Variants in MYT1L observed in about 807,000 individuals in gnomAD.
The protein encoded by MYT1L is myelin transcription factor 1-like protein.
A neutral mutation model predicts 126.7 loss-of-function variants in MYT1L; 12 were observed. The ratio of observed to expected loss-of-function variants is 0.09; its 90% confidence interval spans 0.06 to 0.15. The LOEUF is 0.15. MYT1L is among the 10% of genes least tolerant of loss of function. MYT1L has a pLI of 1.00. For synonymous variants in MYT1L, 541 were observed against 604.2 expected (o/e 0.90, Z 1.53); for missense variants, 979 against 1,585.2 (o/e 0.62, Z 6.49).
chr2:1,956,974 C>A (rs2058535485), intron 8 of MYT1L, among the ~76,000 whole-genome samples: 1 of 152,230 alleles, frequency 6.6e-6, no homozygotes, highest in African/African-American at 2.4e-5. Flanking sequence ...CATCTGTCTG[C>A]AGCCCGTGGC....
At chr2:2,221,041 A>C (rs1020058754) in intron 2 of MYT1L, among the ~76,000 whole-genome samples, 1 of 152,226 alleles carries the variant, frequency 6.6e-6, no homozygotes, top group Non-Finnish European at 1.5e-5. Flanking sequence ...AACAATGGAA[A>C]AAACTTGTGC....
At position 1,790,278 on chromosome 2, in the gene MYT1L, G is replaced by A. The variant is rs757299989; in HGVS notation, c.*1589C>T. The A allele has an allele frequency of 1.3e-5, 2 of 151,710 alleles. No individual in the cohort carries two copies. Among genetic ancestry groups the A allele is most frequent in the African/African-American group, 4.8e-5 (2 of 41,276 alleles). The allele number at this position is 151,710 out of a possible 1,614,324, so 9.4% of individuals were successfully genotyped here. A position where few individuals can be genotyped will look rare whatever the true frequency, so the allele number is the denominator to read the frequency against. On this transcript the variant is annotated 3_prime_UTR_variant, in exon 25 of 25. Coordinates refer to ENST00000647738, the MANE Select transcript of MYT1L (RefSeq NM_001303052.2). ...ATTTCATAACAAAAATTTAAAGTAC[G>A]TCTGTACTTCCTGCATAACATCAAG... is the stretch of plus-strand genomic sequence containing the variant.
At chr2:1,839,748 A>G (rs549461036) in intron 20 of MYT1L, among the ~76,000 whole-genome samples, 1 of 152,348 alleles carries the variant, frequency 6.6e-6, no homozygotes, top group South Asian at 2.1e-4. Context: ...GAAAAAATGC[A>G]ACGTCAATAA....
intron 13 of MYT1L, among the ~76,000 whole-genome samples, chr2:1,904,984 G>C (rs1421067498): frequency 6.6e-6 from 1 of 151,724 alleles, no homozygotes; most frequent in African/African-American, 2.4e-5. Context: ...TTTTAGTAGA[G>C]ACGGGGTTTC....
intron 3 of MYT1L, among the ~76,000 whole-genome samples, chr2:2,123,017 A>C (rs971275048): frequency 1.3e-5 from 2 of 151,972 alleles, no homozygotes; most frequent in African/African-American, 4.8e-5. Context: ...AAACTGAGAG[A>C]AGCCAGGAGA....
At chr2:1,995,398 C>A (rs562719160) in intron 5 of MYT1L, among the ~76,000 whole-genome samples, 1 of 152,142 alleles carries the variant, frequency 6.6e-6, no homozygotes, top group Admixed American at 6.5e-5. Context: ...AGAAATGCAC[C>A]GCTAATATCA....
At chr2:2,040,454 G>A (rs533932484) in intron 4 of MYT1L, among the ~76,000 whole-genome samples, 1 of 152,142 alleles carries the variant, frequency 6.6e-6, no homozygotes. Flanking sequence ...TGAGGCTCTG[G>A]TGCAGGCGAC....
At chr2:2,090,042 C>T (rs1389578408) in intron 3 of MYT1L, among the ~76,000 whole-genome samples, 1 of 152,172 alleles carries the variant, frequency 6.6e-6, no homozygotes, top group Non-Finnish European at 1.5e-5. Flanking sequence ...CCCATCCCAT[C>T]CCTCTGCAGG....
chr2:2,184,694 G>A (rs529235210), intron 2 of MYT1L, among the ~76,000 whole-genome samples: 17 of 152,256 alleles, frequency 1.1e-4, no homozygotes, highest in Admixed American at 2.6e-4. Flanking sequence ...CAATGGGCTG[G>A]CGGCCTCTCC....
intron 24 of MYT1L, 54 bp downstream of exon 24, chr2:1,792,267 G>C (rs2032248069): frequency 1.3e-6 from 2 of 1,539,560 alleles, no homozygotes; most frequent in Non-Finnish European, 1.8e-6. Flanking sequence ...ATCTACTTTA[G>C]GCTGTGCGCT....
At position 2,004,912 on chromosome 2, in the gene MYT1L, G is replaced by A. The variant is rs548855452; in HGVS notation, c.-157-7565C>T. On this transcript the variant is annotated intron_variant, in intron 4 of 24. Coordinates refer to ENST00000647738, the MANE Select transcript of MYT1L (RefSeq NM_001303052.2). The stretch of plus-strand genomic sequence containing the variant: ...CCTGCATGTGTTCTTTCCTGCATGC[G>A]TTCTTTCCTGCAGGCATTCTTTCCT... Among the ~76,000 whole-genome samples, 534 of 135,938 alleles carry A rather than the reference G, an allele frequency of 3.9e-3. 8 individuals are homozygous for A. Among genetic ancestry groups the A allele is most frequent in the African/African-American group, 0.014 (498 of 35,864 alleles). 89.2% of individuals were successfully genotyped at this position (135,938 alleles called of 152,430 possible). A position where few individuals can be genotyped will look rare whatever the true frequency, so the allele number is the denominator to read the frequency against.
chr2:2,295,645 GAT>G (rs112459105), intron 1 of MYT1L, among the ~76,000 whole-genome samples: 40 of 62,686 alleles, frequency 6.4e-4, no homozygotes, highest in South Asian at 2.1e-3. Flanking sequence ...CAGAGAGAGA[GAT>G]AGAGAGACAG....
intron 4 of MYT1L, among the ~76,000 whole-genome samples, chr2:2,038,496 C>T (rs982492634): frequency 2.6e-5 from 4 of 152,264 alleles, no homozygotes; most frequent in South Asian, 2.1e-4. Flanking sequence ...GCCTCCCTGG[C>T]GTCTCTCCAC....
intron 3 of MYT1L, among the ~76,000 whole-genome samples, chr2:2,134,165 C>T (rs1197613456): frequency 6.6e-6 from 1 of 152,166 alleles, no homozygotes; most frequent in African/African-American, 2.4e-5. Flanking sequence ...GTGTCCATGG[C>T]TTCAGCTCTC....
chr2:1,797,756 CT>C (rs1231282514), intron 23 of MYT1L, among the ~76,000 whole-genome samples: 2 of 152,178 alleles, frequency 1.3e-5, no homozygotes, highest in Non-Finnish European at 2.9e-5. Flanking sequence ...TGAAAAATAC[CT>C]TTCCAAGTTT....
chr2:2,280,032 A>G (rs1177780796), intron 2 of MYT1L, among the ~76,000 whole-genome samples: 1 of 152,254 alleles, frequency 6.6e-6, no homozygotes, highest in Non-Finnish European at 1.5e-5. Context: ...TAGTAAAAAC[A>G]TGTATCAGAA....
intron 3 of MYT1L, among the ~76,000 whole-genome samples, chr2:2,098,686 C>T (rs746601392): frequency 3.9e-5 from 6 of 152,268 alleles, no homozygotes; most frequent in South Asian, 2.1e-4. Flanking sequence ...CCCAGTTAAC[C>T]TTTGTAAAAG....
At chr2:2,004,147 G>C (rs573206115) in intron 4 of MYT1L, among the ~76,000 whole-genome samples, 1 of 143,628 alleles carries the variant, frequency 7.0e-6, no homozygotes, top group Non-Finnish European at 1.5e-5. Flanking sequence ...TCCTGCATAC[G>C]TTCTTTCCTG....
intron 3 of MYT1L, among the ~76,000 whole-genome samples, chr2:2,060,538 T>A (rs1312422145): frequency 2.0e-5 from 3 of 152,152 alleles, no homozygotes; most frequent in Non-Finnish European, 4.4e-5. Context: ...TAATGATATA[T>A]CCTGTAATGA....
Sources: allele counts gnomAD v4.1 joint callset (sites outside exome capture counted in the v4.1 genomes callset), GRCh38; gene constraint gnomAD v4.1.1; transcripts MANE v1.5; gene names NCBI Gene and HGNC (gene_info 2026-07-23, HGNC 2026-07-21).